TMEM182: variants seen among roughly 807,000 people sequenced by gnomAD.
TMEM182 encodes the protein transmembrane protein 182.
A neutral mutation model predicts 26.8 loss-of-function variants in TMEM182; 20 were observed. The ratio of observed to expected loss-of-function variants is 0.75; its 90% CI spans 0.53 to 1.09. The LOEUF (loss-of-function observed/expected upper bound fraction) is 1.09. Among genes scored for constraint, TMEM182 ranks in the 50% least tolerant of loss-of-function variants. The pLI is 0.00. For missense variants in TMEM182, 277 were observed against 275.5 expected, an observed-to-expected ratio of 1.01 and a Z score of -0.04; for synonymous variants, 109 against 102.2, an observed-to-expected ratio of 1.07 and a Z score of -0.40.
chr2:102,843,176 G>T (rs191380195), intron 3 of TMEM182, among the ~76,000 whole-genome samples: 40 of 152,230 alleles, frequency 2.6e-4, no homozygotes, highest in Non-Finnish European at 4.6e-4. Flanking sequence ...GCCATGTCAG[G>T]AGATACCATG....
upstream of TMEM182, chr2:102,757,457 A>C (rs1680077377): frequency 6.6e-6 from 1 of 152,214 alleles, no homozygotes; most frequent in African/African-American, 2.4e-5. Context: ...TCAGAAGATG[A>C]AATTCCTGCC....
At chr2:102,794,580 T>A (rs913455844) in intron 3 of TMEM182, among the ~76,000 whole-genome samples, 1 of 152,244 alleles carries the variant, frequency 6.6e-6, no homozygotes, top group African/African-American at 2.4e-5. Context: ...AGAATTTTAG[T>A]TGAAGGTCTT....
intron 3 of TMEM182, among the ~76,000 whole-genome samples, chr2:102,831,760 A>C (rs1433469347): frequency 6.6e-6 from 1 of 152,250 alleles, no homozygotes; most frequent in East Asian, 1.9e-4. Flanking sequence ...CTGTCTAAAA[A>C]AAAAAAAGAA....
intron 1 of TMEM182, among the ~76,000 whole-genome samples, chr2:102,743,407 A>G (rs1679598065): frequency 6.6e-6 from 1 of 152,146 alleles, no homozygotes; most frequent in Non-Finnish European, 1.5e-5. Context: ...CAGAGGTGGG[A>G]GGATCATTCG....
At chr2:102,789,039 C>T (rs899048356) in intron 3 of TMEM182, among the ~76,000 whole-genome samples, 1 of 152,204 alleles carries the variant, frequency 6.6e-6, no homozygotes, top group Non-Finnish European at 1.5e-5. Context: ...TGCTGGCCTG[C>T]ACAACAGAAG....
Position 102,778,371 on chromosome 2 carries a change from C to T in TMEM182, c.331+13944C>T, listed in dbSNP as rs539528366. 1.9e-4 allele frequency among the ~76,000 whole-genome samples: 29 copies of T among 151,980 alleles called. No individual in the cohort carries two copies. The South Asian group carries it at 5.8e-3, about 30-fold the overall frequency. On this transcript the variant is annotated intron_variant, in intron 3 of 4. Transcript: ENST00000412401. The stretch of plus-strand genomic sequence containing the variant: ...TGATATAACACTTTTTCATTCTTTA[C>T]CTTCAACTTACCTATATCACCAAAT...
intron 3 of TMEM182, among the ~76,000 whole-genome samples, chr2:102,796,649 C>G (rs1479282062): frequency 6.6e-6 from 1 of 152,220 alleles, no homozygotes; most frequent in African/African-American, 2.4e-5. Flanking sequence ...AGAATATTGT[C>G]TAACACAGCA....
chr2:102,766,588 T>C (rs913134226), intron 3 of TMEM182, among the ~76,000 whole-genome samples: 1 of 152,202 alleles, frequency 6.6e-6, no homozygotes, highest in Non-Finnish European at 1.5e-5. Flanking sequence ...TTTTGTTTCT[T>C]TCCTGTATCC....
intron 3 of TMEM182, among the ~76,000 whole-genome samples, chr2:102,786,262 G>A (rs569296509): frequency 5.3e-4 from 77 of 144,330 alleles, no homozygotes; most frequent in African/African-American, 1.9e-3. Flanking sequence ...TCGCCCAGGC[G>A]GGAATGCAGT....
At chr2:102,842,960 CATAGCTGTTG>C (rs1683382727) in intron 3 of TMEM182, among the ~76,000 whole-genome samples, 2 of 152,110 alleles carry the variant, frequency 1.3e-5, no homozygotes, top group Admixed American at 1.3e-4. Context: ...TCCCCTTGGC[CATAGCTGTTG>C]ACAAAGAGGG....
chr2:102,840,618 G>A (rs567894587), intron 3 of TMEM182, among the ~76,000 whole-genome samples: 3 of 152,082 alleles, frequency 2.0e-5, no homozygotes, highest in Non-Finnish European at 4.4e-5. Context: ...CAAAAATGAG[G>A]AAGGCCGATT....
intron 4 of TMEM182, among the ~76,000 whole-genome samples, chr2:102,810,453 A>G (rs1682515306): frequency 6.6e-6 from 1 of 152,184 alleles, no homozygotes; most frequent in Non-Finnish European, 1.5e-5. Flanking sequence ...CCCAATGGCC[A>G]TTTGTCACTA....
At chr2:102,795,010 C>T (rs1288722070) in intron 3 of TMEM182, among the ~76,000 whole-genome samples, 4 of 152,194 alleles carry the variant, frequency 2.6e-5, no homozygotes, top group African/African-American at 9.6e-5. Context: ...TTCTGTTTCT[C>T]ATATTGAATA....
intron 3 of TMEM182, among the ~76,000 whole-genome samples, chr2:102,823,413 A>G (rs1682964764): frequency 6.6e-6 from 1 of 152,004 alleles, no homozygotes; most frequent in Admixed American, 6.5e-5. Flanking sequence ...GCTGACTGCA[A>G]CCTCCGCCTC....
At chr2:102,749,695 A>G (rs1406412838) in intron 1 of TMEM182, among the ~76,000 whole-genome samples, 1 of 152,180 alleles carries the variant, frequency 6.6e-6, no homozygotes, top group Middle Eastern at 3.2e-3. Flanking sequence ...AGCATTTATA[A>G]TATATATACC....
At chr2:102,802,453 T>G (rs1014961482) in intron 4 of TMEM182, among the ~76,000 whole-genome samples, 9 of 152,216 alleles carry the variant, frequency 5.9e-5, no homozygotes, top group Non-Finnish European at 1.3e-4. Flanking sequence ...GGGCAAAGTG[T>G]AGTCATTGTC....
At chr2:102,774,237 ACTTT>A (rs1377618203) in intron 3 of TMEM182, among the ~76,000 whole-genome samples, 17 of 130,352 alleles carry the variant, frequency 1.3e-4, no homozygotes, top group Admixed American at 9.2e-4. Context: ...TGTTTTTTAC[ACTTT>A]CTTTCTTTCT....
intron 1 of TMEM182, among the ~76,000 whole-genome samples, chr2:102,746,808 C>T (rs1266408305): frequency 2.0e-5 from 3 of 152,060 alleles, no homozygotes; most frequent in Non-Finnish European, 4.4e-5. Flanking sequence ...AGGCTGGTCT[C>T]GAACTCCTGA....
rs1682745155 is a variant in TMEM182 at position 102,816,314 on chromosome 2, A to C, written c.*1346A>C. The C allele has an allele frequency of 1.0e-6, 1 of 985,116 alleles. No homozygotes were observed. Among genetic ancestry groups the C allele is most frequent in the East Asian group, 1.1e-4 (1 of 8,804 alleles). The allele number at this position is 985,116 out of a possible 1,614,324, so 61.0% of individuals were successfully genotyped here. ...AGAGAGGCATGGCCCACAGGCAAAA[A>C]AAGTCACCACCCAGAAGATGCTCTG... On this transcript the variant is annotated 3_prime_UTR_variant, in exon 5 of 5. Transcript: ENST00000412401.
Sources: gnomAD v4.1 joint callset for allele counts (sites outside exome capture counted in the v4.1 genomes callset) on GRCh38, gnomAD v4.1.1 for gene constraint, MANE v1.5 for transcripts, NCBI Gene and HGNC (gene_info 2026-07-23, HGNC 2026-07-21) for gene names.